ZHX2: variants seen among roughly 807,000 people sequenced by gnomAD.
ZHX2 encodes zinc fingers and homeoboxes 2.
Under a neutral mutation model 21.9 loss-of-function variants are expected in ZHX2, and 6 were observed. The observed-to-expected ratio is 0.27, with a 90% CI of 0.15 to 0.54. The LOEUF (loss-of-function observed/expected upper bound fraction) is 0.54, where lower values mean the gene tolerates loss of function less well. ZHX2 is among the 20% of genes least tolerant of loss of function. The pLI, the probability that ZHX2 is intolerant of heterozygous loss-of-function variation, is 0.95. For missense variants in ZHX2, 908 were observed against 1,090.7 expected, an observed-to-expected ratio of 0.83 and a Z score of 2.36; for synonymous variants, 434 against 437.1, an observed-to-expected ratio of 0.99 and a Z score of 0.09.
intron 1 of ZHX2, among the ~76,000 whole-genome samples, chr8:122,799,327 A>T (rs78588760): frequency 1.1e-3 from 169 of 152,350 alleles, no homozygotes; most frequent in African/African-American, 3.7e-3. Flanking sequence ...AAAATGACAC[A>T]TACAAGATCA....
At chr8:122,934,913 C>G (rs1423443529) in intron 2 of ZHX2, among the ~76,000 whole-genome samples, 2 of 152,150 alleles carry the variant, frequency 1.3e-5, no homozygotes, top group Non-Finnish European at 2.9e-5. Flanking sequence ...GTCTTGAACT[C>G]CTGACCTCAG....
intron 1 of ZHX2, among the ~76,000 whole-genome samples, chr8:122,836,870 A>T (rs955467131): frequency 6.6e-6 from 1 of 152,154 alleles, no homozygotes; most frequent in Admixed American, 6.5e-5. Flanking sequence ...ATCTTACACT[A>T]CTGGGCTGCA....
intron 1 of ZHX2, among the ~76,000 whole-genome samples, chr8:122,835,392 GC>G (rs1428217124): frequency 6.6e-6 from 1 of 152,226 alleles, no homozygotes; most frequent in Non-Finnish European, 1.5e-5. Context: ...GAGTTGATAA[GC>G]AGTGGAGGAT....
intron 1 of ZHX2, among the ~76,000 whole-genome samples, chr8:122,819,923 G>T (rs555945096): frequency 1.3e-5 from 2 of 152,214 alleles, no homozygotes; most frequent in East Asian, 3.9e-4. Context: ...CCACACCCTC[G>T]CCTTGGCTGG....
intron 2 of ZHX2, among the ~76,000 whole-genome samples, chr8:122,940,747 C>T (rs1194321020): frequency 2.0e-5 from 3 of 152,200 alleles, no homozygotes; most frequent in Non-Finnish European, 4.4e-5. Flanking sequence ...AATTTATAGA[C>T]ACAGTATCAG....
At chr8:122,931,459 G>A (rs916603480) in intron 2 of ZHX2, among the ~76,000 whole-genome samples, 1 of 152,306 alleles carries the variant, frequency 6.6e-6, no homozygotes, top group Admixed American at 6.5e-5. Flanking sequence ...TATGTCATCT[G>A]ATCCTCAATA....
At chr8:122,886,484 A>C (rs1325988148) in intron 2 of ZHX2, among the ~76,000 whole-genome samples, 2 of 152,130 alleles carry the variant, frequency 1.3e-5, no homozygotes, top group Non-Finnish European at 2.9e-5. Context: ...AGTTAATAAT[A>C]ATGTATTCAT....
At chr8:122,802,747 G>A (rs764155948) in intron 1 of ZHX2, among the ~76,000 whole-genome samples, 15 of 152,208 alleles carry the variant, frequency 9.9e-5, no homozygotes, top group Non-Finnish European at 2.1e-4. Flanking sequence ...GGGTCCCAAC[G>A]CCTGGCTGGT....
At chr8:122,838,081 C>T (rs957190266) in intron 1 of ZHX2, among the ~76,000 whole-genome samples, 12 of 152,190 alleles carry the variant, frequency 7.9e-5, no homozygotes, top group Non-Finnish European at 1.2e-4. Context: ...ATAAGAGCCC[C>T]GTCTGGGTGT....
chr8:122,823,660 G>T (rs773877571), intron 1 of ZHX2, among the ~76,000 whole-genome samples: 14 of 152,180 alleles, frequency 9.2e-5, no homozygotes, highest in Non-Finnish European at 8.8e-5. Context: ...CCTGCAAGAT[G>T]CTCTGTGACA....
intron 2 of ZHX2, among the ~76,000 whole-genome samples, chr8:122,913,291 T>G (rs560488012): frequency 1.3e-5 from 2 of 152,368 alleles, no homozygotes; most frequent in East Asian, 3.9e-4. Context: ...AATGAACATT[T>G]CCACTTTTCG....
chr8:122,959,683 T>C (rs1437546823), intron 3 of ZHX2, among the ~76,000 whole-genome samples: 1 of 152,144 alleles, frequency 6.6e-6, no homozygotes. Context: ...AGGAGAGGGA[T>C]TGGATACAGT....
At chr8:122,865,994 C>T (rs1011605363) in intron 2 of ZHX2, among the ~76,000 whole-genome samples, 1 of 152,172 alleles carries the variant, frequency 6.6e-6, no homozygotes, top group Non-Finnish European at 1.5e-5. Flanking sequence ...TGGTTGAAAG[C>T]GGAGGTGGCC....
intron 1 of ZHX2, among the ~76,000 whole-genome samples, chr8:122,853,440 A>G (rs1277525163): frequency 6.6e-6 from 1 of 152,192 alleles, no homozygotes; most frequent in East Asian, 1.9e-4. Flanking sequence ...TGAATGTGTT[A>G]GCACAGAGGG....
At chr8:122,885,610 A>T (rs1016873288) in intron 2 of ZHX2, among the ~76,000 whole-genome samples, 1 of 152,162 alleles carries the variant, frequency 6.6e-6, no homozygotes, top group African/African-American at 2.4e-5. Flanking sequence ...CCAAGGGGAC[A>T]TTGGGCAACG....
chr8:122,865,527 G>T (rs1199936278), intron 2 of ZHX2, among the ~76,000 whole-genome samples: 3 of 152,190 alleles, frequency 2.0e-5, no homozygotes, highest in Non-Finnish European at 4.4e-5. Flanking sequence ...GTAAATGATT[G>T]TCAAATATAG....
intron 2 of ZHX2, among the ~76,000 whole-genome samples, chr8:122,864,366 T>C (rs1819237003): frequency 6.6e-6 from 1 of 151,960 alleles, no homozygotes; most frequent in South Asian, 2.1e-4. Context: ...ATGTCTCTCC[T>C]ACGTTGTTGC....
At chr8:122,804,560 A>G (rs978810251) in intron 1 of ZHX2, among the ~76,000 whole-genome samples, 3 of 152,226 alleles carry the variant, frequency 2.0e-5, no homozygotes, top group African/African-American at 7.2e-5. Flanking sequence ...AGGCAGGTGC[A>G]CAAGGTGGCC....
chr8:122,879,345 A>T (rs560288733), intron 2 of ZHX2, among the ~76,000 whole-genome samples: 5 of 152,068 alleles, frequency 3.3e-5, no homozygotes, highest in African/African-American at 9.6e-5. Context: ...TAGCTAGGAT[A>T]ACAGACACAT....
Sources: allele counts gnomAD v4.1 joint callset (sites outside exome capture counted in the v4.1 genomes callset), GRCh38; gene constraint gnomAD v4.1.1; transcripts MANE v1.5; gene names NCBI Gene and HGNC (gene_info 2026-07-23, HGNC 2026-07-21).